Variants in SH3GL3 observed in about 807,000 individuals in gnomAD.
SH3GL3 encodes the protein endophilin-A3.
Under a neutral mutation model 47.7 loss-of-function variants are expected in SH3GL3, and 33 were observed. The ratio of observed to expected loss-of-function variants is 0.69; its 90% confidence interval spans 0.52 to 0.92. SH3GL3 has a LOEUF of 0.92. Among genes scored for constraint, SH3GL3 ranks in the 40% least tolerant of loss-of-function variants. The pLI is 0.00. For synonymous variants in SH3GL3, 155 were observed against 148.8 expected (o/e 1.04, Z -0.30); for missense variants, 363 against 417.8 (o/e 0.87, Z 1.14).
At chr15:83,617,966 G>C in intron 8 of SH3GL3, 116 bp from the exon 9 acceptor site, 1 of 706,314 alleles carries the variant, frequency 1.4e-6, no homozygotes, top group Non-Finnish European at 2.5e-6. Context: ...CTGGCCTTGT[G>C]GGAAGGAAGC....
At chr15:83,509,970 A>G (rs2042678880) in intron 1 of SH3GL3, among the ~76,000 whole-genome samples, 1 of 152,178 alleles carries the variant, frequency 6.6e-6, no homozygotes, top group Non-Finnish European at 1.5e-5. Context: ...CACTTTTGCC[A>G]TCCTTTAGGG....
At chr15:83,491,488 A>G (rs1041843041) in intron 1 of SH3GL3, among the ~76,000 whole-genome samples, 1 of 152,212 alleles carries the variant, frequency 6.6e-6, no homozygotes, top group African/African-American at 2.4e-5. Context: ...GATAAGATTT[A>G]GAGGATCTGA....
chr15:83,543,798 T>G (rs1194153855), intron 1 of SH3GL3, among the ~76,000 whole-genome samples: 1 of 152,152 alleles, frequency 6.6e-6, no homozygotes, highest in Non-Finnish European at 1.5e-5. Context: ...TCCAATTTAT[T>G]GACATATTGT....
intron 1 of SH3GL3, among the ~76,000 whole-genome samples, chr15:83,549,183 T>C (rs2044544948): frequency 6.6e-6 from 1 of 152,356 alleles, no homozygotes; most frequent in Non-Finnish European, 1.5e-5. Flanking sequence ...ATATTTATCA[T>C]AGTTACATTA....
chr15:83,473,396 C>T (rs2040926957), intron 1 of SH3GL3, among the ~76,000 whole-genome samples: 1 of 151,934 alleles, frequency 6.6e-6, no homozygotes. Flanking sequence ...AGGGTACGGC[C>T]ACATTTTGTT....
At chr15:83,553,460 G>T (rs2044769550) in intron 1 of SH3GL3, among the ~76,000 whole-genome samples, 1 of 152,020 alleles carries the variant, frequency 6.6e-6, no homozygotes, top group Non-Finnish European at 1.5e-5. Context: ...ATTACTATCT[G>T]ATTTTGTGGT....
chr15:83,450,906 T>C (rs576627158), intron 1 of SH3GL3, among the ~76,000 whole-genome samples: 1 of 133,718 alleles, frequency 7.5e-6, no homozygotes, highest in East Asian at 2.4e-4. Flanking sequence ...CTGCACCCAC[T>C]AAAGTGTCAT....
At chr15:83,514,179 T>C (rs1372301682) in intron 1 of SH3GL3, among the ~76,000 whole-genome samples, 1 of 152,212 alleles carries the variant, frequency 6.6e-6, no homozygotes, top group Non-Finnish European at 1.5e-5. Flanking sequence ...TAATGAGATG[T>C]GACACTCCCC....
chr15:83,583,969 G>A (rs1037232521), intron 6 of SH3GL3, among the ~76,000 whole-genome samples: 7 of 152,106 alleles, frequency 4.6e-5, no homozygotes, highest in Non-Finnish European at 7.3e-5. Context: ...CATAGTTTGA[G>A]GATGGGCTAA....
At chr15:83,611,671 G>C (rs377070646) in intron 8 of SH3GL3, 2 of 152,572 alleles carry the variant, frequency 1.3e-5, no homozygotes, top group East Asian at 3.9e-4. Flanking sequence ...GCAAGGGGAA[G>C]GGGTTGTCAA....
At chr15:83,516,499 C>A (rs1406693432) in intron 1 of SH3GL3, among the ~76,000 whole-genome samples, 1 of 152,106 alleles carries the variant, frequency 6.6e-6, no homozygotes, top group East Asian at 1.9e-4. Flanking sequence ...CATGGTTCTG[C>A]AGGCTGTACA....
At chr15:83,592,866 T>C (rs1354451162) in intron 8 of SH3GL3, among the ~76,000 whole-genome samples, 1 of 152,234 alleles carries the variant, frequency 6.6e-6, no homozygotes, top group African/African-American at 2.4e-5. Flanking sequence ...CCCTCATCTC[T>C]TCTGTTTTTG....
intron 1 of SH3GL3, among the ~76,000 whole-genome samples, chr15:83,525,351 CGTGT>C (rs3078536): frequency 5.3e-4 from 78 of 148,100 alleles, no homozygotes; most frequent in African/African-American, 1.7e-3. Flanking sequence ...ATTCTTTGTG[CGTGT>C]GTGTGTGTGT....
chr15:83,549,382 G>A (rs958595838), intron 1 of SH3GL3, among the ~76,000 whole-genome samples: 1 of 152,152 alleles, frequency 6.6e-6, no homozygotes, highest in Non-Finnish European at 1.5e-5. Flanking sequence ...GTTTTATTCT[G>A]GCGGATAATG....
chr15:83,514,368 A>G (rs919114587), intron 1 of SH3GL3, among the ~76,000 whole-genome samples: 1 of 152,096 alleles, frequency 6.6e-6, no homozygotes, highest in African/African-American at 2.4e-5. Context: ...CATATCCACA[A>G]TTTGTTCTCA....
At chr15:83,552,763 T>A (rs1036652967) in intron 1 of SH3GL3, among the ~76,000 whole-genome samples, 1 of 152,222 alleles carries the variant, frequency 6.6e-6, no homozygotes, top group African/African-American at 2.4e-5. Flanking sequence ...CAATTTTTTA[T>A]CATGTTTGAT....
intron 1 of SH3GL3, among the ~76,000 whole-genome samples, chr15:83,521,221 G>A (rs748981194): frequency 1.1e-4 from 17 of 152,280 alleles, no homozygotes; most frequent in East Asian, 5.8e-4. Flanking sequence ...AAAACAAACC[G>A]TAGAGCAAAG....
intron 1 of SH3GL3, among the ~76,000 whole-genome samples, chr15:83,495,619 C>T (rs899538025): frequency 3.9e-5 from 6 of 152,082 alleles, no homozygotes; most frequent in African/African-American, 1.2e-4. Flanking sequence ...CACCTGAAGT[C>T]CTAGCTACTT....
At chr15:83,464,568 A>G (rs2040472869) in intron 1 of SH3GL3, among the ~76,000 whole-genome samples, 1 of 152,202 alleles carries the variant, frequency 6.6e-6, no homozygotes. Context: ...TGAACTCTTA[A>G]TTATCTCTAC....
Sources: allele counts gnomAD v4.1 joint callset (sites outside exome capture counted in the v4.1 genomes callset), GRCh38; gene constraint gnomAD v4.1.1; transcripts MANE v1.5; gene names NCBI Gene and HGNC (gene_info 2026-07-23, HGNC 2026-07-21).